The following RAB44 variants were observed in gnomAD, a reference collection of about 807,000 sequenced individuals.
RAB44 encodes RAB44, member RAS oncogene family, also known as ras-related protein Rab-44.
A neutral mutation model predicts 93.3 loss-of-function variants in RAB44; 67 were observed. The ratio of observed to expected loss-of-function variants is 0.72; its 90% CI spans 0.59 to 0.88. RAB44 has a LOEUF of 0.88. Among genes scored for constraint, RAB44 ranks in the 40% least tolerant of loss-of-function variants. The pLI is 0.00. For synonymous variants in RAB44, 427 were observed against 520.3 expected (o/e 0.82, Z 2.44); for missense variants, 1,064 against 1,261.7 (o/e 0.84, Z 2.37).
chr6:36,717,492 T>C lies in RAB44; in HGVS notation c.641+73T>C, dbSNP rs1275818675. On this transcript the variant is annotated intron_variant, in intron 5 of 13. Coordinates refer to ENST00000612677, the MANE Select transcript of RAB44 (RefSeq NM_001257357.2). The surrounding 1 kb of genome is among the most constrained non-coding windows in gnomAD (Gnocchi z 4.1). ...CACATTCCAGTGGAATCTGGTTGAATTTCCCCAGCTCCTCCTGCAGCTGGG... is the reference window on the plus strand; with the variant it reads ...CACATTCCAGTGGAATCTGGTTGAACTTCCCCAGCTCCTCCTGCAGCTGGG... The C allele has an allele frequency of 5.7e-6, 7 of 1,225,134 alleles. No homozygotes were observed. Among genetic ancestry groups the C allele is most frequent in the African/African-American group, 1.6e-5 (1 of 64,258 alleles). 75.9% of individuals were successfully genotyped at this position (1,225,134 alleles called of 1,614,324 possible). A position where few individuals can be genotyped will look rare whatever the true frequency, so the allele number is the denominator to read the frequency against.
chr6:36,698,252 G>A (rs1762429339), intron 1 of RAB44, among the ~76,000 whole-genome samples: 1 of 152,160 alleles, frequency 6.6e-6, no homozygotes, highest in Non-Finnish European at 1.5e-5. Context: ...CACTGACTTG[G>A]ACCACTGGGG....
chr6:36,730,605 C>T lies in RAB44; in HGVS notation c.2899-68C>T, dbSNP rs375637453. The T allele has an allele frequency of 6.0e-4, 596 of 995,636 alleles. 4 individuals carry two copies. In the African/African-American group the frequency reaches 7.9e-3, roughly 13 times the overall value. The allele number at this position is 995,636 out of a possible 1,614,324, so 61.7% of individuals were successfully genotyped here. ...ACTCTGATGGCCGGGACTTTAGTGG[C>T]GGGGTATGGCCTGGCCTTTCAGTTG... On this transcript the variant is annotated intron_variant, in intron 12 of 13. Transcript: ENST00000612677.
At chr6:36,700,887 G>A (rs919838628) in intron 1 of RAB44, among the ~76,000 whole-genome samples, 1 of 152,342 alleles carries the variant, frequency 6.6e-6, no homozygotes, top group Middle Eastern at 3.4e-3. Flanking sequence ...CCCCTCTTAG[G>A]GGGGATGGGG....
chr6:36,723,133 C>G (rs12189912), intron 9 of RAB44, among the ~76,000 whole-genome samples: 325 of 152,318 alleles, frequency 2.1e-3, no homozygotes, highest in Admixed American at 3.5e-3. Flanking sequence ...AAGAAGTCAC[C>G]TTGGGCAAGT....
At chr6:36,704,552 A>T in intron 2 of RAB44, 110 bp downstream of exon 2, 1 of 988,728 alleles carries the variant, frequency 1.0e-6, no homozygotes. Context: ...CCTTTCTCTC[A>T]TTTAGAGCTC....
In RAB44 at chr6:36,704,415, G is replaced by A. The variant is rs574767173; in HGVS notation, c.180G>A (p.Arg60=). The change falls in exon 2 of 14, where the codon AGG becomes AGA. Residue 60 remains arginine, a synonymous_variant. Coordinates refer to ENST00000612677, the MANE Select transcript of RAB44 (RefSeq NM_001257357.2). ...TCCAGGACTGTGGTGCCAAGGAGAG[G>A]GGCTTTGTCACCCGCGAGGACCTGG... The part of the protein sequence containing the change: ...AFFQDCGAKE[R]GFVTREDLAV... 123 of 1,535,852 alleles carry A rather than the reference G, an allele frequency of 8.0e-5. No homozygotes were observed. In the African/African-American group the frequency reaches 1.6e-3, roughly 20 times the overall value.
In RAB44 at chr6:36,722,461, G is replaced by A. The variant is rs1352354011; in HGVS notation, c.2327G>A (p.Arg776Lys). The A allele has an allele frequency of 6.2e-6, 9 of 1,447,970 alleles. No individual in the cohort carries two copies. In the East Asian group the frequency reaches 1.8e-4, roughly 28 times the overall value. The allele number at this position is 1,447,970 out of a possible 1,614,324, so 89.7% of individuals were successfully genotyped here. ...PTMAEQEAQPRPSLTTAHAEE... is the reference protein window; with the variant it reads ...PTMAEQEAQPKPSLTTAHAEE... The stretch of plus-strand genomic sequence containing the variant: ...ATGGCTGAGCAGGAAGCCCAACCCA[G>A]GCCATCCCTCACGACTGCTCACGCA... The change falls in exon 9 of 14, where the codon AGG becomes AAG. Residue 776 changes from arginine to lysine, a missense_variant. By Grantham distance (26) the Arg-to-Lys change is conservative. Coordinates refer to ENST00000612677, the MANE Select transcript of RAB44 (RefSeq NM_001257357.2).
chr6:36,707,515 G>A (rs929715483), intron 2 of RAB44, among the ~76,000 whole-genome samples: 1 of 152,172 alleles, frequency 6.6e-6, no homozygotes, highest in Non-Finnish European at 1.5e-5. Context: ...TCCTTTGGCT[G>A]TTCAATCAAC....
chr6:36,721,547 G>T lies in RAB44; in HGVS notation c.1413G>T (p.Glu471Asp), dbSNP rs532192815. ...VEPHDPDPNQ[E>D]PGSTPEGRLL... Reference sequence around the variant, plus strand: ...CGCACGACCCGGACCCCAACCAGGAGCCAGGGTCCACACCCGAGGGCCGCC... The same window carrying T: ...CGCACGACCCGGACCCCAACCAGGATCCAGGGTCCACACCCGAGGGCCGCC... Residue 471 changes from glutamate to aspartate, a missense_variant, in exon 9 of 14, where the codon GAG (glutamate) becomes GAT (aspartate). Coordinates refer to ENST00000612677, the MANE Select transcript of RAB44 (RefSeq NM_001257357.2). The T allele has an allele frequency of 4.2e-5, 52 of 1,234,484 alleles. No homozygotes were observed. The East Asian group carries it at 1.5e-3, about 37-fold the overall frequency. The allele number at this position is 1,234,484 out of a possible 1,614,324, so 76.5% of individuals were successfully genotyped here. A position where few individuals can be genotyped will look rare whatever the true frequency, so the allele number is the denominator to read the frequency against.
chr6:36,715,102 A>AATATATAT (rs3046039), intron 3 of RAB44, among the ~76,000 whole-genome samples: 18 of 148,298 alleles, frequency 1.2e-4, no homozygotes, highest in Admixed American at 3.3e-4. Context: ...GTTGGCTTAA[A>AATATATAT]ATATATATAT....
chr6:36,728,619 C>A, intron 11 of RAB44, 81 bp from the exon 12 acceptor site: 1 of 1,117,256 alleles, frequency 9.0e-7, no homozygotes, highest in Non-Finnish European at 1.3e-6. Context: ...GCGGGGGACA[C>A]AGTTCAGCTT....
rs542076547 is a variant in RAB44 at position 36,710,695 on chromosome 6, C to T, written c.208-3133C>T. 2.5e-3 allele frequency among the ~76,000 whole-genome samples: 377 copies of T among 151,244 alleles called. 4 individuals are homozygous for T. Among genetic ancestry groups the T allele is most frequent in the African/African-American group, 8.9e-3 (365 of 40,990 alleles). ...GTGCAGTGGCATGATCTTGGCTCAC[C>T]GCAACCTCCGCCTCCTGGGATCAAG... is the stretch of plus-strand genomic sequence containing the variant. On this transcript the variant is annotated intron_variant, in intron 2 of 13. Transcript: ENST00000612677.
chr6:36,729,944 T>A (rs1309016375), intron 12 of RAB44, among the ~76,000 whole-genome samples: 1 of 152,212 alleles, frequency 6.6e-6, no homozygotes, highest in Non-Finnish European at 1.5e-5. Context: ...TTTCAAATAT[T>A]ATTTATAAGA....
At chr6:36,708,472 T>A (rs1762705330) in intron 2 of RAB44, among the ~76,000 whole-genome samples, 1 of 152,124 alleles carries the variant, frequency 6.6e-6, no homozygotes, top group African/African-American at 2.4e-5. Flanking sequence ...AAATTTAGGA[T>A]CTGATCTTGG....
chr6:36,713,164 A>C lies in RAB44; in HGVS notation c.208-664A>C, dbSNP rs564844415. ...CCTGTAGGCCATGATATATAAAATG[A>C]ACTCTTATAGGAGATTTAACTCATT... On this transcript the variant is annotated intron_variant, in intron 2 of 13. Transcript: ENST00000612677. Among the ~76,000 whole-genome samples, 73 of 152,292 alleles carry C rather than the reference A, an allele frequency of 4.8e-4. 1 individual carries two copies. The highest frequency in any genetic ancestry group is 1.5e-3 in the African/African-American group (63 of 41,564).
chr6:36,730,814 G>A (rs1047972310), intron 13 of RAB44, 65 bp downstream of exon 13: 9 of 751,732 alleles, frequency 1.2e-5, no homozygotes, highest in African/African-American at 7.4e-5. Context: ...GGACAGCTCC[G>A]GCCCCACTCT....
chr6:36,698,220 A>T (rs1562048185), intron 1 of RAB44, among the ~76,000 whole-genome samples: 1 of 152,134 alleles, frequency 6.6e-6, no homozygotes, highest in Admixed American at 6.5e-5. Context: ...CTGGAACAAG[A>T]CACTAGGTGG....
Position 36,722,595 on chromosome 6 carries a change from A to T in RAB44, c.2461A>T (p.Met821Leu), listed in dbSNP as rs1277867231. Residue 821 changes from methionine (M) to leucine (L), a missense_variant, in exon 9 of 14, where the codon ATG (methionine) becomes TTG (leucine). Met to Leu is a conservative substitution (Grantham distance 15). Transcript: ENST00000612677. ...AGLTPSPGDPMAGGGPQANPD... is the reference protein window; with the variant it reads ...AGLTPSPGDPLAGGGPQANPD... The stretch of plus-strand genomic sequence containing the variant: ...GCTGACCCCATCCCCGGGAGACCCC[A>T]TGGCTGGAGGGGGACCCCAGGCCAA... 1 of 1,550,576 alleles carries T rather than the reference A, an allele frequency of 6.4e-7. No homozygotes were observed. Among genetic ancestry groups the T allele is most frequent in the African/African-American group, 1.4e-5 (1 of 73,184 alleles).
chr6:36,732,000 T>A lies in RAB44; in HGVS notation c.2976-3T>A. 5 of 1,233,840 alleles carry A rather than the reference T, an allele frequency of 4.1e-6. No homozygotes were observed. Among genetic ancestry groups the A allele is most frequent in the Non-Finnish European group, 5.1e-6 (5 of 988,076 alleles). The allele number at this position is 1,233,840 out of a possible 1,614,324, so 76.4% of individuals were successfully genotyped here. On this transcript the variant is annotated splice_region_variant and splice_polypyrimidine_tract_variant and intron_variant, in intron 13 of 13. Transcript: ENST00000612677. This position sits in a 1 kb window ranked among gnomAD's most constrained non-coding sequence, Gnocchi z 4.0. ...AGGCCTGATGCCTGGCACTGTCACA[T>A]AGGTCACTCAGGATGCAAGAAGAAG...
Sources: gnomAD v4.1 joint callset for allele counts (sites outside exome capture counted in the v4.1 genomes callset) on GRCh38, gnomAD v4.1.1 for gene constraint, Gnocchi (gnomAD v3.1) non-coding constraint, MANE v1.5 for transcripts, NCBI Gene and HGNC (gene_info 2026-07-23, HGNC 2026-07-21) for gene names.